Variants in NFAT5 observed in about 807,000 individuals in gnomAD.
NFAT5 encodes nuclear factor of activated T cells 5.
NFAT5 carries 31 observed loss-of-function variants against 166.5 expected under a neutral mutation model. The observed-to-expected ratio is 0.19, with a 90% CI of 0.14 to 0.25. NFAT5 has a LOEUF of 0.25. Ranked by LOEUF, NFAT5 falls within the 10% of genes least tolerant of loss-of-function variation. NFAT5 has a pLI of 1.00. For synonymous variants in NFAT5, 612 were observed against 639.7 expected (o/e 0.96, Z 0.65); for missense variants, 1,449 against 1,821.8 (o/e 0.80, Z 3.72).
chr16:69,668,529 A>T (rs2151667852), intron 7 of NFAT5, among the ~76,000 whole-genome samples: 1 of 152,360 alleles, frequency 6.6e-6, no homozygotes, highest in Non-Finnish European at 1.5e-5. Flanking sequence ...CTATACACAT[A>T]GCTTGAAGGT....
intron 3 of NFAT5, among the ~76,000 whole-genome samples, chr16:69,645,339 C>T (rs2035391988): frequency 6.6e-6 from 1 of 152,140 alleles, no homozygotes; most frequent in African/African-American, 2.4e-5. Flanking sequence ...GAGAAGGATA[C>T]ATACTGGAAA....
intron 14 of NFAT5, among the ~76,000 whole-genome samples, chr16:69,695,897 C>A (rs1387859956): frequency 1.3e-5 from 2 of 152,186 alleles, no homozygotes; most frequent in Non-Finnish European, 2.9e-5. Flanking sequence ...ATCCTTCCAG[C>A]TCCCTTCAGC....
At chr16:69,570,862 C>T (rs187045465) in intron 2 of NFAT5, among the ~76,000 whole-genome samples, 10 of 152,152 alleles carry the variant, frequency 6.6e-5, no homozygotes, top group African/African-American at 2.4e-4. Flanking sequence ...ATTTTCTCAT[C>T]TTTAAACGGG....
chr16:69,693,498 G>T lies in NFAT5; in HGVS notation c.3673G>T (p.Gly1225Cys). ...SQEQAQPPQQ[G>C]LFQPQVALGS... Reference sequence around the variant, plus strand: ...AGAACAGGCACAACCCCCGCAGCAGGGTTTATTTCAGCCTCAGGTGGCCCT... The same window carrying T: ...AGAACAGGCACAACCCCCGCAGCAGTGTTTATTTCAGCCTCAGGTGGCCCT... The change falls in exon 13 of 15, where the codon GGT (glycine) becomes TGT (cysteine). Residue 1225 changes from glycine to cysteine, a missense_variant. Gly to Cys is a radical substitution (Grantham distance 159, BLOSUM62 -3). Transcript: ENST00000349945. 6.2e-7 allele frequency: 1 copy of T among 1,614,084 alleles called. No individual in the cohort carries two copies. Among genetic ancestry groups the T allele is most frequent in the Non-Finnish European group, 8.5e-7 (1 of 1,180,024 alleles).
At chr16:69,648,009 TA>T (rs2035513360) in intron 4 of NFAT5, among the ~76,000 whole-genome samples, 1 of 151,712 alleles carries the variant, frequency 6.6e-6, no homozygotes, top group Non-Finnish European at 1.5e-5. Flanking sequence ...CCATCTCTAC[TA>T]AAAATACAAA....
In NFAT5 at chr16:69,647,622, T is replaced by C; in HGVS notation, c.812+36T>C. ...ACATTTTTTAAAATTCTATCATCAT[T>C]ATGCAAAACAAACAAACAAAAAAAA... On this transcript the variant is annotated intron_variant, in intron 4 of 14. Coordinates refer to ENST00000349945, the MANE Select transcript of NFAT5 (RefSeq NM_138713.4). The surrounding 1 kb of genome is among the most constrained non-coding windows in gnomAD (Gnocchi z 4.8). The C allele has an allele frequency of 6.7e-7, 1 of 1,497,194 alleles. No individual in the cohort carries two copies. Among genetic ancestry groups the C allele is most frequent in the Non-Finnish European group, 8.9e-7 (1 of 1,127,866 alleles). 92.7% of individuals were successfully genotyped at this position (1,497,194 alleles called of 1,614,324 possible).
At chr16:69,676,626 A>T (rs1235601958) in intron 9 of NFAT5, among the ~76,000 whole-genome samples, 1 of 152,206 alleles carries the variant, frequency 6.6e-6, no homozygotes. Context: ...CATGGAGCTT[A>T]CATTCTTATG....
intron 2 of NFAT5, among the ~76,000 whole-genome samples, chr16:69,602,729 C>G (rs2033198897): frequency 6.6e-6 from 1 of 151,770 alleles, no homozygotes; most frequent in South Asian, 2.1e-4. Context: ...TTCAGCCTCC[C>G]AAGTAGTTGG....
At chr16:69,591,490 T>C (rs766157527) in intron 2 of NFAT5, among the ~76,000 whole-genome samples, 3 of 152,242 alleles carry the variant, frequency 2.0e-5, no homozygotes, top group Non-Finnish European at 4.4e-5. Flanking sequence ...GTATCTGTTT[T>C]AAACTTTGCT....
At chr16:69,609,595 C>G (rs2033603861) in intron 2 of NFAT5, among the ~76,000 whole-genome samples, 1 of 152,098 alleles carries the variant, frequency 6.6e-6, no homozygotes, top group South Asian at 2.1e-4. Flanking sequence ...ATTGTAGACA[C>G]TTATTTTTGA....
Position 69,606,563 on chromosome 16 carries a change from G to A in NFAT5, c.128-19840G>A, listed in dbSNP as rs191474802. The stretch of plus-strand genomic sequence containing the variant: ...ATAGGAAGTACAAGACCTGTAGAAA[G>A]GAAAACTGTGGCTGGGTATGGTGGC... On this transcript the variant is annotated intron_variant, in intron 2 of 14. Coordinates refer to ENST00000349945, the MANE Select transcript of NFAT5 (RefSeq NM_138713.4). 3.3e-3 allele frequency among the ~76,000 whole-genome samples: 505 copies of A among 152,256 alleles called. 2 individuals are homozygous for A. The highest frequency in any genetic ancestry group is 0.012 in the African/African-American group (492 of 41,550).
intron 3 of NFAT5, among the ~76,000 whole-genome samples, chr16:69,638,868 T>C (rs1246141958): frequency 6.6e-6 from 1 of 151,810 alleles, no homozygotes; most frequent in African/African-American, 2.4e-5. Flanking sequence ...TGGAACTTTT[T>C]TTTTCTCTAA....
intron 2 of NFAT5, 114 bp downstream of exon 2, chr16:69,568,662 C>T: frequency 2.7e-6 from 2 of 730,682 alleles, no homozygotes; most frequent in East Asian, 3.0e-5. Context: ...GTAGTTTTCT[C>T]CTAAAGAGTC....
chr16:69,652,277 C>T (rs1170603468), intron 4 of NFAT5, among the ~76,000 whole-genome samples: 1 of 151,688 alleles, frequency 6.6e-6, no homozygotes, highest in Non-Finnish European at 1.5e-5. Context: ...CATGGTGAAA[C>T]CCCATCTCTA....
intron 2 of NFAT5, among the ~76,000 whole-genome samples, chr16:69,609,729 C>A (rs1357264139): frequency 1.3e-5 from 2 of 149,402 alleles, no homozygotes; most frequent in Non-Finnish European, 3.0e-5. Context: ...ACCTGTAATA[C>A]CGGCACTTCG....
chr16:69,594,525 A>G (rs1449755404), intron 2 of NFAT5, among the ~76,000 whole-genome samples: 2 of 152,138 alleles, frequency 1.3e-5, no homozygotes, highest in African/African-American at 4.8e-5. Context: ...CTTGATCTAC[A>G]ATGTCAGTAT....
intron 2 of NFAT5, among the ~76,000 whole-genome samples, chr16:69,596,702 A>T (rs1018527859): frequency 6.7e-6 from 1 of 150,370 alleles, no homozygotes; most frequent in Non-Finnish European, 1.5e-5. Context: ...TGGGCGACAG[A>T]GCAAGACTCT....
At chr16:69,660,607 T>C (rs948797010) in intron 7 of NFAT5, among the ~76,000 whole-genome samples, 2 of 152,198 alleles carry the variant, frequency 1.3e-5, no homozygotes, top group African/African-American at 4.8e-5. Context: ...TTATTAATTA[T>C]AATATTATAG....
At chr16:69,675,486 T>A (rs2036795651) in intron 9 of NFAT5, among the ~76,000 whole-genome samples, 3 of 152,224 alleles carry the variant, frequency 2.0e-5, no homozygotes. Context: ...TGACCTTGTA[T>A]GTGTTCAGAT....
Sources: gnomAD v4.1 joint callset for allele counts (sites outside exome capture counted in the v4.1 genomes callset) on GRCh38, gnomAD v4.1.1 for gene constraint, Gnocchi (gnomAD v3.1) non-coding constraint, MANE v1.5 for transcripts, NCBI Gene and HGNC (gene_info 2026-07-23, HGNC 2026-07-21) for gene names.